DENND1A: variants seen among roughly 807,000 people sequenced by gnomAD.
The protein encoded by DENND1A is DENN domain containing 1A.
DENND1A carries 51 observed loss-of-function variants against 113.7 expected under a neutral mutation model. The ratio of observed to expected loss-of-function variants is 0.45; its 90% CI spans 0.36 to 0.57. The LOEUF (loss-of-function observed/expected upper bound fraction) is 0.57, where lower values mean the gene tolerates loss of function less well. Ranked by LOEUF, DENND1A falls within the 20% of genes least tolerant of loss-of-function variation. DENND1A has a pLI of 0.00. For missense variants in DENND1A, 1,258 were observed against 1,395.9 expected, an observed-to-expected ratio of 0.90 and a Z score of 1.57; for synonymous variants, 565 against 570.8, an observed-to-expected ratio of 0.99 and a Z score of 0.14.
intron 1 of DENND1A, among the ~76,000 whole-genome samples, chr9:123,902,132 T>C (rs1851740940): frequency 6.6e-6 from 1 of 151,856 alleles, no homozygotes; most frequent in South Asian, 2.1e-4. Flanking sequence ...TCAGTCATTT[T>C]ACCCTTCAGT....
At position 123,592,361 on chromosome 9, in the gene DENND1A, C is replaced by T. The variant is rs781665592; in HGVS notation, c.766-9091G>A. Reference sequence around the variant, plus strand: ...GCTATGTCTCATATAAAAGTGCATTCTCTGGAGCCAGACTGCCTGAGTCTG... The same window carrying T: ...GCTATGTCTCATATAAAAGTGCATTTTCTGGAGCCAGACTGCCTGAGTCTG... On this transcript the variant is annotated intron_variant, in intron 11 of 23. Transcript: ENST00000394215. Among the ~76,000 whole-genome samples the T allele has an allele frequency of 3.3e-5, 5 of 152,204 alleles. No homozygotes were observed. In the South Asian group the frequency reaches 1.0e-3, roughly 31 times the overall value.
In DENND1A at chr9:123,920,735, AT is replaced by A. The variant is rs761034647; in HGVS notation, c.17+9153del. Reference sequence around the variant, plus strand: ...CCACCATGCCCAGCTAATTTTTGTAATTTTTTTTTTTTTTTTTAGTAGAGAT... The same window carrying A: ...CCACCATGCCCAGCTAATTTTTGTAATTTTTTTTTTTTTTTTAGTAGAGAT... On this transcript the variant is annotated intron_variant, in intron 1 of 23. Transcript: ENST00000394215. Among the ~76,000 whole-genome samples, 972 of 137,698 alleles carry A rather than the reference AT, an allele frequency of 7.1e-3. 2 individuals are homozygous for A. Among genetic ancestry groups the A allele is most frequent in the Middle Eastern group, 0.019 (5 of 268 alleles). 90.3% of individuals were successfully genotyped at this position (137,698 alleles called of 152,430 possible).
chr9:123,437,159 C>G (rs933610024), intron 19 of DENND1A, among the ~76,000 whole-genome samples: 3 of 152,176 alleles, frequency 2.0e-5, no homozygotes, highest in African/African-American at 7.2e-5. Flanking sequence ...GCTGGTCTGT[C>G]TCATCATTAT....
chr9:123,540,093 A>G (rs1448054248), intron 13 of DENND1A, among the ~76,000 whole-genome samples: 2 of 152,242 alleles, frequency 1.3e-5, no homozygotes, highest in Non-Finnish European at 1.5e-5. Flanking sequence ...ACACTTTGAG[A>G]AAGAAAATCT....
intron 2 of DENND1A, among the ~76,000 whole-genome samples, chr9:123,818,476 A>AT (rs1837882993): frequency 6.7e-6 from 1 of 150,218 alleles, no homozygotes; most frequent in Non-Finnish European, 1.5e-5. Context: ...CAGATTTCAG[A>AT]TTTTTTTGGA....
At chr9:123,844,021 C>T (rs975336972) in intron 2 of DENND1A, among the ~76,000 whole-genome samples, 3 of 151,954 alleles carry the variant, frequency 2.0e-5, no homozygotes, top group Non-Finnish European at 4.4e-5. Flanking sequence ...ATCCAATATC[C>T]TTTCATAATA....
At chr9:123,619,957 A>C (rs974123798) in intron 10 of DENND1A, among the ~76,000 whole-genome samples, 8 of 152,048 alleles carry the variant, frequency 5.3e-5, no homozygotes, top group Non-Finnish European at 1.2e-4. Context: ...TTACACCTGT[A>C]ATCACAGCAC....
chr9:123,402,496 A>C (rs1357397158), intron 21 of DENND1A: 1 of 534,646 alleles, frequency 1.9e-6, no homozygotes, highest in Non-Finnish European at 3.8e-6. Context: ...ATTTTCTGAG[A>C]GCCAGACAGA....
chr9:123,448,053 A>G (rs2047437178), intron 18 of DENND1A, among the ~76,000 whole-genome samples: 1 of 152,248 alleles, frequency 6.6e-6, no homozygotes, highest in South Asian at 2.1e-4. Flanking sequence ...CAACAGTCCG[A>G]TGGTGACAAG....
intron 18 of DENND1A, among the ~76,000 whole-genome samples, chr9:123,448,112 T>C (rs2047440356): frequency 6.6e-6 from 1 of 152,200 alleles, no homozygotes; most frequent in Non-Finnish European, 1.5e-5. Context: ...TGAAATGTAC[T>C]GACGCTCTCT....
At chr9:123,527,405 A>G (rs1243938086) in intron 13 of DENND1A, among the ~76,000 whole-genome samples, 3 of 152,184 alleles carry the variant, frequency 2.0e-5, no homozygotes, top group African/African-American at 7.2e-5. Context: ...TTTAAGCTTC[A>G]TGATGTAGCT....
chr9:123,552,034 A>AGACAGAGAGAGAGAGAGAGAGAGG (rs2057105001), intron 13 of DENND1A, among the ~76,000 whole-genome samples: 1 of 134,442 alleles, frequency 7.4e-6, no homozygotes, highest in Non-Finnish European at 1.6e-5. Context: ...AGAGAGAGAG[A>AGACAGAGAGAGAGAGAGAGAGAGG]GAGACAGAGA....
At chr9:123,758,654 G>A (rs1020029431) in intron 4 of DENND1A, among the ~76,000 whole-genome samples, 2 of 151,230 alleles carry the variant, frequency 1.3e-5, no homozygotes, top group African/African-American at 4.9e-5. Flanking sequence ...TCTAAGAAAT[G>A]GAAACAACAT....
chr9:123,522,116 T>C (rs560269349), intron 13 of DENND1A, among the ~76,000 whole-genome samples: 33 of 152,202 alleles, frequency 2.2e-4, no homozygotes, highest in Non-Finnish European at 4.7e-4. Context: ...TGCCCAACAA[T>C]GGCAAATATA....
chr9:123,399,037 C>A (rs978838360), intron 21 of DENND1A, among the ~76,000 whole-genome samples: 5 of 151,868 alleles, frequency 3.3e-5, no homozygotes, highest in Non-Finnish European at 2.9e-5. Flanking sequence ...CTCAAGTGAC[C>A]CGCCCGCCTC....
intron 3 of DENND1A, among the ~76,000 whole-genome samples, chr9:123,776,808 TG>T (rs1830540286): frequency 6.6e-6 from 1 of 152,184 alleles, no homozygotes; most frequent in Non-Finnish European, 1.5e-5. Flanking sequence ...ATTTAGCTTT[TG>T]AAATGTTGGC....
intron 1 of DENND1A, among the ~76,000 whole-genome samples, chr9:123,901,289 G>A (rs890711683): frequency 7.2e-5 from 11 of 152,162 alleles, no homozygotes; most frequent in Non-Finnish European, 1.2e-4. Flanking sequence ...GAACATCAGC[G>A]GAGAGATGAG....
intron 1 of DENND1A, among the ~76,000 whole-genome samples, chr9:123,902,751 A>C (rs1851890571): frequency 6.6e-6 from 1 of 152,026 alleles, no homozygotes; most frequent in Non-Finnish European, 1.5e-5. Context: ...CACCTCTATA[A>C]AACAGGAACA....
intron 11 of DENND1A, among the ~76,000 whole-genome samples, chr9:123,608,523 G>A (rs1187671103): frequency 6.6e-6 from 1 of 152,120 alleles, no homozygotes; most frequent in Non-Finnish European, 1.5e-5. Flanking sequence ...TCCTGAGGAG[G>A]AAAGGGCTTA....
Sources: gnomAD v4.1 joint callset for allele counts (sites outside exome capture counted in the v4.1 genomes callset) on GRCh38, gnomAD v4.1.1 for gene constraint, MANE v1.5 for transcripts, NCBI Gene and HGNC (gene_info 2026-07-23, HGNC 2026-07-21) for gene names.